PRKCA: variants seen among roughly 807,000 people sequenced by gnomAD.
PRKCA encodes protein kinase C alpha type.
PRKCA carries 27 observed loss-of-function variants against 87.0 expected under a neutral mutation model. That is an observed-to-expected ratio of 0.31 (90% CI 0.23 to 0.43). PRKCA has a LOEUF of 0.43. PRKCA is among the 20% of genes least tolerant of loss of function. The probability of loss-of-function intolerance (pLI) is 1.00; values close to 1 mark genes in which losing one functional copy is unlikely to be tolerated. For missense variants in PRKCA, 518 were observed against 852.3 expected (o/e 0.61, Z 4.88); for synonymous variants, 329 against 311.1 (o/e 1.06, Z -0.61).
intron 4 of PRKCA, among the ~76,000 whole-genome samples, chr17:66,642,805 G>A (rs1334987995): frequency 5.9e-5 from 9 of 152,164 alleles, no homozygotes; most frequent in Non-Finnish European, 1.3e-4. Context: ...CACTTTGGGA[G>A]GCCGAGGCGG....
intron 16 of PRKCA, among the ~76,000 whole-genome samples, chr17:66,794,227 T>A (rs1369215588): frequency 6.6e-6 from 1 of 152,188 alleles, no homozygotes; most frequent in Non-Finnish European, 1.5e-5. Context: ...TTACTTTAAG[T>A]ATTCTGTTTT....
At chr17:66,480,988 A>G (rs1310021922) in intron 2 of PRKCA, among the ~76,000 whole-genome samples, 3 of 151,790 alleles carry the variant, frequency 2.0e-5, no homozygotes, top group Non-Finnish European at 1.5e-5. Flanking sequence ...GCCTCTTTCC[A>G]TAATTTTACA....
intron 16 of PRKCA, among the ~76,000 whole-genome samples, chr17:66,790,654 G>T (rs1000013270): frequency 1.3e-5 from 2 of 152,286 alleles, no homozygotes; most frequent in Middle Eastern, 3.4e-3. Context: ...TACTGACCCC[G>T]CCTTGAGGGT....
chr17:66,711,725 G>A (rs1973333805), intron 8 of PRKCA, among the ~76,000 whole-genome samples: 1 of 152,104 alleles, frequency 6.6e-6, no homozygotes, highest in Non-Finnish European at 1.5e-5. Flanking sequence ...TGCAAGGGGA[G>A]AAACCCTACT....
At chr17:66,472,484 A>G (rs181188288) in intron 2 of PRKCA, among the ~76,000 whole-genome samples, 194 of 152,140 alleles carry the variant, frequency 1.3e-3, no homozygotes, top group Non-Finnish European at 2.1e-3. Flanking sequence ...CATTTCTCCA[A>G]TTTTCTCTGT....
intron 3 of PRKCA, among the ~76,000 whole-genome samples, chr17:66,528,640 T>C (rs1453770372): frequency 6.6e-6 from 1 of 152,176 alleles, no homozygotes; most frequent in South Asian, 2.1e-4. Context: ...AGCACCTCCA[T>C]TGTAGCCTTA....
intron 3 of PRKCA, among the ~76,000 whole-genome samples, chr17:66,530,198 A>G (rs1264452305): frequency 6.6e-6 from 1 of 152,190 alleles, no homozygotes; most frequent in South Asian, 2.1e-4. Flanking sequence ...TGGAGATACA[A>G]CCTAAGTACA....
At chr17:66,618,355 A>C (rs1335141365) in intron 3 of PRKCA, among the ~76,000 whole-genome samples, 1 of 16,112 alleles carries the variant, frequency 6.2e-5, no homozygotes, top group Non-Finnish European at 1.9e-4. Context: ...CCCTATCGCA[A>C]AAAAAAAAAA....
intron 3 of PRKCA, among the ~76,000 whole-genome samples, chr17:66,609,818 A>T (rs1458802238): frequency 6.6e-6 from 1 of 152,088 alleles, no homozygotes; most frequent in Non-Finnish European, 1.5e-5. Context: ...CAGTGAAAAC[A>T]AGAATTTGTA....
intron 8 of PRKCA, among the ~76,000 whole-genome samples, chr17:66,694,894 GT>G (rs1319766860): frequency 6.7e-6 from 1 of 148,192 alleles, no homozygotes; most frequent in Admixed American, 6.8e-5. Context: ...TAGTATTTTT[GT>G]TTCTTGTTTA....
intron 2 of PRKCA, among the ~76,000 whole-genome samples, chr17:66,390,663 A>C (rs1381982046): frequency 3.3e-5 from 5 of 152,222 alleles, no homozygotes; most frequent in Non-Finnish European, 7.3e-5. Flanking sequence ...GTCATACCTT[A>C]GTCACTTTTT....
At chr17:66,415,952 C>T (rs1393417115) in intron 2 of PRKCA, 1 of 152,228 alleles carries the variant, frequency 6.6e-6, no homozygotes, top group East Asian at 1.9e-4. Flanking sequence ...CTGTAAGTGA[C>T]AAGCCACCCA....
At chr17:66,392,074 C>CA (rs1345912008) in intron 2 of PRKCA, among the ~76,000 whole-genome samples, 4 of 151,854 alleles carry the variant, frequency 2.6e-5, no homozygotes, top group African/African-American at 4.8e-5. Flanking sequence ...ACTAAAAATA[C>CA]AAAAAATTAG....
At chr17:66,306,841 G>C (rs1289097806) in intron 2 of PRKCA, among the ~76,000 whole-genome samples, 1 of 152,130 alleles carries the variant, frequency 6.6e-6, no homozygotes, top group Non-Finnish European at 1.5e-5. Flanking sequence ...TTTAGAGCTT[G>C]TGAAGGCATC....
In PRKCA at chr17:66,756,080, C is replaced by T. The variant is rs552700094; in HGVS notation, c.1524+13320C>T. ...CTGAGAATCAGTCACGGGGGCTCCA[C>T]GCGTTTTGGAGTTTTCCCTCAGGAA... is the stretch of plus-strand genomic sequence containing the variant. On this transcript the variant is annotated intron_variant, in intron 13 of 16. Transcript: ENST00000413366. Among the ~76,000 whole-genome samples, 9 of 152,316 alleles carry T rather than the reference C, an allele frequency of 5.9e-5. No individual in the cohort carries two copies. The East Asian group carries it at 7.7e-4, about 13-fold the overall frequency.
chr17:66,700,269 A>C lies in PRKCA; in HGVS notation c.918+11222A>C, dbSNP rs1267114414. Among the ~76,000 whole-genome samples, 6 of 152,220 alleles carry C rather than the reference A, an allele frequency of 3.9e-5. 1 individual carries two copies. The highest frequency in any genetic ancestry group is 1.4e-4 in the African/African-American group (6 of 41,460). On this transcript the variant is annotated intron_variant, in intron 8 of 16. Transcript: ENST00000413366. ...AAATTTAATGCCCTTTCAAAATAAA[A>C]ACTCTCAACAAATTAGGTATAAAGG...
chr17:66,536,249 C>CT (rs562435079), intron 3 of PRKCA, among the ~76,000 whole-genome samples: 4 of 152,236 alleles, frequency 2.6e-5, no homozygotes, highest in Non-Finnish European at 4.4e-5. Flanking sequence ...GTGACTAGAA[C>CT]TTTCCTGGTG....
At chr17:66,706,663 G>A (rs1598886745) in intron 8 of PRKCA, among the ~76,000 whole-genome samples, 1 of 151,480 alleles carries the variant, frequency 6.6e-6, no homozygotes, top group Admixed American at 6.6e-5. Flanking sequence ...AGTGGTTTCA[G>A]GATTTTTAAG....
intron 14 of PRKCA, among the ~76,000 whole-genome samples, chr17:66,776,366 G>A (rs1424986878): frequency 1.3e-5 from 2 of 152,038 alleles, no homozygotes; most frequent in African/African-American, 4.8e-5. Context: ...GGCTGGAGTC[G>A]GTGGCGCGAT....
Sources: gnomAD v4.1 joint callset for allele counts (sites outside exome capture counted in the v4.1 genomes callset) on GRCh38, gnomAD v4.1.1 for gene constraint, MANE v1.5 for transcripts, NCBI Gene and HGNC (gene_info 2026-07-23, HGNC 2026-07-21) for gene names.